P2RY8: variants seen among roughly 807,000 people sequenced by gnomAD.
P2RY8 encodes the protein P2Y receptor family member 8.
Under a neutral mutation model 10.0 loss-of-function variants are expected in P2RY8, and 6 were observed. That is an observed-to-expected ratio of 0.60 (90% CI 0.33 to 1.19). The LOEUF is 1.19. P2RY8 is among the 50% of genes most tolerant of loss of function. The pLI is 0.04. For missense variants in P2RY8, 456 were observed against 542.0 expected (o/e 0.84, Z 1.58); for synonymous variants, 276 against 252.5 (o/e 1.09, Z -0.88).
intron 1 of P2RY8, chrX:1,494,035 G>C (rs1308171371): frequency 1.3e-5 from 2 of 152,286 alleles, no homozygotes; most frequent in Admixed American, 6.5e-5. Flanking sequence ...CTGCTAGCTG[G>C]GGTATTTCTG....
At chrX:1,521,562 A>G (rs776163641) in intron 1 of P2RY8, among the ~76,000 whole-genome samples, 1 of 152,310 alleles carries the variant, frequency 6.6e-6, no homozygotes, top group African/African-American at 2.4e-5. Context: ...GAACCTTGGC[A>G]TCAAAGTCAC....
At chrX:1,499,479 T>G (rs2092153821) in intron 1 of P2RY8, among the ~76,000 whole-genome samples, 2 of 152,226 alleles carry the variant, frequency 1.3e-5, no homozygotes, top group South Asian at 4.2e-4. Context: ...TGGCCTTTTC[T>G]TACGCATGAG....
chrX:1,471,308 CATTTTTTTTT>C (rs1336584161), intron 1 of P2RY8, among the ~76,000 whole-genome samples: 2,061 of 71,128 alleles, frequency 0.029, 46 homozygotes, highest in Non-Finnish European at 0.045. Flanking sequence ...GCGCCCAGCC[CATTTTTTTTT>C]TTTTTTTTTT....
intron 1 of P2RY8, among the ~76,000 whole-genome samples, chrX:1,499,084 C>G (rs867748559): frequency 6.6e-6 from 1 of 152,198 alleles, no homozygotes; most frequent in Middle Eastern, 3.4e-3. Context: ...CCACCCGCCT[C>G]AGCCTTCCAA....
chrX:1,466,949 C>A (rs1460412549), intron 1 of P2RY8, among the ~76,000 whole-genome samples: 7 of 126,338 alleles, frequency 5.5e-5, no homozygotes, highest in Non-Finnish European at 8.2e-5. Context: ...GACCTCGGCC[C>A]ACGTCAGAGG....
At chrX:1,473,129 A>ATTGG in intron 1 of P2RY8, among the ~76,000 whole-genome samples, 1 of 90,750 alleles carries the variant, frequency 1.1e-5, no homozygotes, top group Non-Finnish European at 2.2e-5. Flanking sequence ...GGGTAGATGG[A>ATTGG]TGGGTGGATG....
chrX:1,485,997 T>C (rs2091982904), intron 1 of P2RY8, among the ~76,000 whole-genome samples: 2 of 152,078 alleles, frequency 1.3e-5, no homozygotes, highest in Admixed American at 1.3e-4. Context: ...GACAGGTGGA[T>C]CACCTGAGGC....
In P2RY8 at chrX:1,524,621, C is replaced by T. The variant is rs866633283; in HGVS notation, c.-25+12300G>A. ...TTCATCCATCTATCCATCCATCCAT[C>T]CATTCATCCATCCATCCATCCATAC... On this transcript the variant is annotated intron_variant, in intron 1 of 1. Transcript: ENST00000381297. Among the ~76,000 whole-genome samples, 35 of 124,492 alleles carry T rather than the reference C, an allele frequency of 2.8e-4. 4 individuals carry two copies. The highest frequency in any genetic ancestry group is 6.5e-4 in the East Asian group (2 of 3,090). 81.7% of individuals were successfully genotyped at this position (124,492 alleles called of 152,430 possible).
chrX:1,501,108 C>T (rs187756272), intron 1 of P2RY8, among the ~76,000 whole-genome samples: 87 of 152,298 alleles, frequency 5.7e-4, no homozygotes, highest in Non-Finnish European at 1.1e-3. Context: ...ACAGACTCTA[C>T]GCCCATCTTC....
At chrX:1,478,182 A>G (rs1443455302) in intron 1 of P2RY8, among the ~76,000 whole-genome samples, 2 of 151,478 alleles carry the variant, frequency 1.3e-5, no homozygotes, top group Non-Finnish European at 2.9e-5. Flanking sequence ...CCTGTTTCCA[A>G]TCCTAAGCAT....
chrX:1,534,802 G>A (rs1381107664), intron 1 of P2RY8, among the ~76,000 whole-genome samples: 1 of 152,112 alleles, frequency 6.6e-6, no homozygotes, highest in Non-Finnish European at 1.5e-5. Context: ...TTAATCCTAA[G>A]CCATCGCTTC....
intron 1 of P2RY8, among the ~76,000 whole-genome samples, chrX:1,491,251 G>T (rs1323493644): frequency 1.3e-5 from 2 of 151,858 alleles, no homozygotes; most frequent in African/African-American, 4.8e-5. Context: ...TGATACCCCA[G>T]ATTCACTTCT....
chrX:1,522,817 G>C (rs28541704), intron 1 of P2RY8, among the ~76,000 whole-genome samples: 119,149 of 151,570 alleles, frequency 0.79, 47,075 homozygotes, highest in East Asian at 0.98. Flanking sequence ...ACCTGTTATC[G>C]CAGCACTTTG....
intron 1 of P2RY8, among the ~76,000 whole-genome samples, chrX:1,527,187 G>A (rs1238175106): frequency 6.6e-6 from 1 of 152,060 alleles, no homozygotes; most frequent in Admixed American, 6.6e-5. Context: ...GAGCCACCGC[G>A]CCCAGCCTAT....
At chrX:1,470,774 T>C (rs2091774709) in intron 1 of P2RY8, among the ~76,000 whole-genome samples, 1 of 152,108 alleles carries the variant, frequency 6.6e-6, no homozygotes, top group South Asian at 2.1e-4. Flanking sequence ...AATAGTCTAC[T>C]GTGTGGATAG....
chrX:1,481,497 A>G (rs1302045420), intron 1 of P2RY8, among the ~76,000 whole-genome samples: 1 of 152,012 alleles, frequency 6.6e-6, no homozygotes, highest in African/African-American at 2.4e-5. Flanking sequence ...TTTGGGTTTA[A>G]GGGATCCCAG....
chrX:1,493,430 GGGAGGGAA>G (rs1198850956), intron 1 of P2RY8, among the ~76,000 whole-genome samples: 2 of 14,032 alleles, frequency 1.4e-4, no homozygotes, highest in Non-Finnish European at 3.8e-4. Flanking sequence ...GGAAGGAGGA[GGGAGGGAA>G]GGAGGAGGAA....
At chrX:1,484,944 T>A (rs2149386996) in intron 1 of P2RY8, among the ~76,000 whole-genome samples, 1 of 150,110 alleles carries the variant, frequency 6.7e-6, no homozygotes, top group African/African-American at 2.4e-5. Flanking sequence ...AGGTGGAGAA[T>A]TTGTTAAGCA....
intron 1 of P2RY8, among the ~76,000 whole-genome samples, chrX:1,533,534 T>G (rs1370987540): frequency 7.9e-5 from 10 of 126,170 alleles, no homozygotes; most frequent in Non-Finnish European, 3.3e-5. Flanking sequence ...TATATTTTAT[T>G]TATTATTTAT....
Sources: gnomAD v4.1 joint callset for allele counts (sites outside exome capture counted in the v4.1 genomes callset) on GRCh38, gnomAD v4.1.1 for gene constraint, MANE v1.5 for transcripts, NCBI Gene and HGNC (gene_info 2026-07-23, HGNC 2026-07-21) for gene names.